The following POU6F2 variants were observed in gnomAD, a reference collection of about 807,000 sequenced individuals.
POU6F2 encodes the protein POU class 6 homeobox 2, also known as POU domain, class 6, transcription factor 2.
A neutral mutation model predicts 71.3 loss-of-function variants in POU6F2; 31 were observed. The ratio of observed to expected loss-of-function variants is 0.43; its 90% CI spans 0.33 to 0.59. POU6F2 has a LOEUF of 0.59. Ranked by LOEUF, POU6F2 falls within the 20% of genes least tolerant of loss-of-function variation. The probability of loss-of-function intolerance (pLI) is 0.04; values close to 1 mark genes in which losing one functional copy is unlikely to be tolerated. For missense variants in POU6F2, 783 were observed against 856.8 expected (o/e 0.91, Z 1.07); for synonymous variants, 347 against 355.7 (o/e 0.98, Z 0.27).
chr7:39,256,998 A>C (rs769236650), intron 4 of POU6F2, among the ~76,000 whole-genome samples: 9 of 152,236 alleles, frequency 5.9e-5, no homozygotes, highest in Non-Finnish European at 1.2e-4. Context: ...AATACCGCAT[A>C]GGAGTCTATT....
chr7:39,209,586 T>G (rs1199417514), intron 4 of POU6F2, among the ~76,000 whole-genome samples: 1 of 152,158 alleles, frequency 6.6e-6, no homozygotes, highest in African/African-American at 2.4e-5. Context: ...GAGGTGGTCA[T>G]CCTAACGAGA....
At chr7:39,417,446 A>T (rs1259697812) in intron 6 of POU6F2, among the ~76,000 whole-genome samples, 6 of 152,190 alleles carry the variant, frequency 3.9e-5, no homozygotes, top group Non-Finnish European at 8.8e-5. Context: ...AATTTAGTGC[A>T]CTAGCCATTA....
chr7:39,233,953 C>T (rs1794625578), intron 4 of POU6F2, among the ~76,000 whole-genome samples: 1 of 152,116 alleles, frequency 6.6e-6, no homozygotes, highest in Admixed American at 6.5e-5. Context: ...CAGAGAAAGG[C>T]ATTGCTGAAT....
At chr7:39,077,118 G>A (rs1791018402) in intron 1 of POU6F2, among the ~76,000 whole-genome samples, 1 of 152,210 alleles carries the variant, frequency 6.6e-6, no homozygotes, top group South Asian at 2.1e-4. Flanking sequence ...CGTATGCAAT[G>A]TCAATACTGC....
intron 4 of POU6F2, among the ~76,000 whole-genome samples, chr7:39,333,465 G>A (rs1785700149): frequency 6.6e-6 from 1 of 152,070 alleles, no homozygotes; most frequent in African/African-American, 2.4e-5. Flanking sequence ...CAGGCCGGGC[G>A]TGGTGGCTCA....
intron 4 of POU6F2, among the ~76,000 whole-genome samples, chr7:39,338,112 G>A (rs1268674345): frequency 1.3e-5 from 2 of 152,192 alleles, no homozygotes; most frequent in African/African-American, 4.8e-5. Flanking sequence ...CATCAGGTTA[G>A]GTTCGATTTG....
intron 5 of POU6F2, among the ~76,000 whole-genome samples, chr7:39,341,322 C>G (rs1163042950): frequency 1.3e-5 from 2 of 152,128 alleles, no homozygotes; most frequent in Non-Finnish European, 2.9e-5. Flanking sequence ...GCCAGGGCTA[C>G]TTTCAATTTG....
At chr7:39,451,752 T>C (rs1246025848) in intron 8 of POU6F2, 51 bp downstream of exon 8, 57 of 1,492,016 alleles carry the variant, frequency 3.8e-5, no homozygotes, top group Non-Finnish European at 5.2e-5. Context: ...TCTTGTTGCC[T>C]ATTTGCAATG....
chr7:39,216,680 A>G (rs1794249395), intron 4 of POU6F2, among the ~76,000 whole-genome samples: 1 of 152,230 alleles, frequency 6.6e-6, no homozygotes, highest in African/African-American at 2.4e-5. Context: ...TTTTCCCCAA[A>G]AGGAGAAAAT....
chr7:39,093,088 T>C (rs1028124645), intron 2 of POU6F2, among the ~76,000 whole-genome samples: 5 of 152,116 alleles, frequency 3.3e-5, no homozygotes, highest in African/African-American at 4.8e-5. Flanking sequence ...AGTTTTTCCT[T>C]CTTAAGTGAT....
chr7:39,025,238 G>C (rs1319513490), intron 1 of POU6F2, among the ~76,000 whole-genome samples: 1 of 152,146 alleles, frequency 6.6e-6, no homozygotes, highest in East Asian at 1.9e-4. Flanking sequence ...TCTTGGGAGA[G>C]TGTATGTGTC....
chr7:39,021,265 C>G (rs1789674250), intron 1 of POU6F2, among the ~76,000 whole-genome samples: 1 of 151,734 alleles, frequency 6.6e-6, no homozygotes, highest in Non-Finnish European at 1.5e-5. Flanking sequence ...TGCTATCTTT[C>G]TTTGGAATGA....
At chr7:39,337,505 A>G (rs1004544952) in intron 4 of POU6F2, among the ~76,000 whole-genome samples, 5 of 152,338 alleles carry the variant, frequency 3.3e-5, no homozygotes, top group African/African-American at 1.2e-4. Context: ...TTTTATCTGC[A>G]AACATTCTTT....
At chr7:39,148,104 G>T (rs1293014994) in intron 2 of POU6F2, among the ~76,000 whole-genome samples, 3 of 152,190 alleles carry the variant, frequency 2.0e-5, no homozygotes, top group African/African-American at 7.2e-5. Flanking sequence ...AACAACTAGG[G>T]TGGGCCCTTC....
At chr7:39,342,400 T>G (rs2115630997) in intron 5 of POU6F2, among the ~76,000 whole-genome samples, 1 of 152,352 alleles carries the variant, frequency 6.6e-6, no homozygotes, top group South Asian at 2.1e-4. Flanking sequence ...CTAATGATCT[T>G]TATAAAGTGT....
chr7:39,332,217 T>C (rs17619190), intron 4 of POU6F2, among the ~76,000 whole-genome samples: 8,733 of 152,286 alleles, frequency 0.057, 350 homozygotes, highest in Non-Finnish European at 0.086. Flanking sequence ...TCTTCCAAAA[T>C]CTGAGATATT....
At chr7:39,013,889 A>G in intron 1 of POU6F2, among the ~76,000 whole-genome samples, 1 of 152,200 alleles carries the variant, frequency 6.6e-6, no homozygotes, top group South Asian at 2.1e-4. Flanking sequence ...TACTTTAAAT[A>G]TACTAGCAAG....
intron 2 of POU6F2, among the ~76,000 whole-genome samples, chr7:39,160,134 C>T (rs1300431226): frequency 6.6e-6 from 1 of 152,240 alleles, no homozygotes; most frequent in East Asian, 1.9e-4. Flanking sequence ...AGAGGGTTTC[C>T]GAAGGAGGCT....
At chr7:39,386,651 G>A (rs1283333372) in intron 5 of POU6F2, among the ~76,000 whole-genome samples, 1 of 152,118 alleles carries the variant, frequency 6.6e-6, no homozygotes, top group Non-Finnish European at 1.5e-5. Flanking sequence ...ATAATATTAG[G>A]CCATGTTGAG....
Sources: gnomAD v4.1 joint callset for allele counts (sites outside exome capture counted in the v4.1 genomes callset) on GRCh38, gnomAD v4.1.1 for gene constraint, MANE v1.5 for transcripts, NCBI Gene and HGNC (gene_info 2026-07-23, HGNC 2026-07-21) for gene names.